Variants in LRBA observed in about 807,000 individuals in gnomAD.
The protein encoded by LRBA is lipopolysaccharide-responsive and beige-like anchor protein.
In LRBA, 176 loss-of-function variants were observed where a neutral mutation model predicts 330.0. The observed-to-expected ratio is 0.53, with a 90% confidence interval of 0.47 to 0.60. LRBA has a LOEUF of 0.60. Among genes scored for constraint, LRBA ranks in the 20% least tolerant of loss-of-function variants. The pLI is 0.00. For missense variants in LRBA, 3,259 were observed against 3,444.8 expected, an observed-to-expected ratio of 0.95 and a Z score of 1.35; for synonymous variants, 1,230 against 1,193.0, an observed-to-expected ratio of 1.03 and a Z score of -0.64.
intron 37 of LRBA, 25 bp downstream of exon 37, chr4:150,683,526 C>A (rs1340091105): frequency 6.2e-7 from 1 of 1,601,038 alleles, no homozygotes; most frequent in Admixed American, 1.7e-5. Flanking sequence ...AAATCAGTGG[C>A]CAAATCCTAA....
At chr4:150,405,245 C>G (rs907141422) in intron 47 of LRBA, among the ~76,000 whole-genome samples, 1 of 152,254 alleles carries the variant, frequency 6.6e-6, no homozygotes, top group South Asian at 2.1e-4. Context: ...TCAGAAACTT[C>G]AAGGCATCAT....
intron 47 of LRBA, among the ~76,000 whole-genome samples, chr4:150,372,011 C>A (rs1740395192): frequency 6.6e-6 from 1 of 152,108 alleles, no homozygotes; most frequent in Non-Finnish European, 1.5e-5. Context: ...CTCATTTTAG[C>A]CACTTTTAAG....
At chr4:150,625,526 T>G (rs1454733905) in intron 37 of LRBA, among the ~76,000 whole-genome samples, 2 of 152,024 alleles carry the variant, frequency 1.3e-5, no homozygotes, top group African/African-American at 2.4e-5. Context: ...CTTGAAAACC[T>G]GCTCCACTGT....
chr4:150,979,116 TAAGGA>T (rs974011771), intron 2 of LRBA, among the ~76,000 whole-genome samples: 3 of 151,940 alleles, frequency 2.0e-5, no homozygotes, highest in Non-Finnish European at 4.4e-5. Context: ...AGATCAATAA[TAAGGA>T]AAGGATCCTA....
chr4:150,922,209 T>G (rs1355588162), intron 4 of LRBA, among the ~76,000 whole-genome samples: 1 of 152,084 alleles, frequency 6.6e-6, no homozygotes, highest in Non-Finnish European at 1.5e-5. Context: ...CCACCCACCC[T>G]TCTTTAAAAT....
intron 2 of LRBA, among the ~76,000 whole-genome samples, chr4:150,932,700 G>A (rs1468542516): frequency 1.3e-5 from 2 of 152,032 alleles, no homozygotes; most frequent in Admixed American, 1.3e-4. Flanking sequence ...TGGATCCCTT[G>A]AGCGCAGGAG....
intron 2 of LRBA, among the ~76,000 whole-genome samples, chr4:150,969,271 T>C (rs1432472236): frequency 1.3e-5 from 2 of 152,226 alleles, no homozygotes; most frequent in Admixed American, 6.5e-5. Flanking sequence ...TGTAAGGCTA[T>C]CACTGCCATA....
Position 150,583,403 on chromosome 4 carries a change from C to A in LRBA, c.6330+4645G>T, listed in dbSNP as rs1220924769. Reference sequence around the variant, plus strand: ...ATCACGGCGTCGGGCTATCTCTCAGCGCGTAAGATCCGCTCGCGTTTCCAG... The same window carrying A: ...ATCACGGCGTCGGGCTATCTCTCAGAGCGTAAGATCCGCTCGCGTTTCCAG... On this transcript the variant is annotated intron_variant, in intron 40 of 56. Transcript: ENST00000651943. This position sits in a 1 kb window ranked among gnomAD's most constrained non-coding sequence, Gnocchi z 9.8. The A allele has an allele frequency of 6.2e-7, 1 of 1,613,976 alleles. No homozygotes were observed.
At chr4:150,422,848 C>G in intron 46 of LRBA, 1 of 1,368,950 alleles carries the variant, frequency 7.3e-7, no homozygotes, top group Non-Finnish European at 1.0e-6. Context: ...GTACTGAACT[C>G]CACCACGTGA....
At chr4:150,421,930 C>T (rs190268249) in intron 46 of LRBA, among the ~76,000 whole-genome samples, 130 of 152,210 alleles carry the variant, frequency 8.5e-4, no homozygotes, top group African/African-American at 3.1e-3. Flanking sequence ...AATGGAGGGC[C>T]TTAAAATCAA....
chr4:150,277,893 C>T lies in LRBA; in HGVS notation c.8428G>A (p.Asp2810Asn), dbSNP rs1381717221. Residue 2810 changes from aspartate to asparagine, a missense_variant, in exon 56 of 57, where the codon GAC becomes AAC. Transcript: ENST00000651943. ...AGCGCCATGGCCCGGATTCCAGCGTCACATCCTGGATAGGCAAAGAGCTGC... is the reference window on the plus strand; with the variant it reads ...AGCGCCATGGCCCGGATTCCAGCGTTACATCCTGGATAGGCAAAGAGCTGC... ...LKQLFAYPGC[D>N]AGIRAMALSY... is the part of the protein sequence containing the mutation. 5 of 1,614,002 alleles carry T rather than the reference C, an allele frequency of 3.1e-6. No homozygotes were observed. The highest frequency in any genetic ancestry group is 4.2e-6 in the Non-Finnish European group (5 of 1,180,034).
At chr4:150,676,910 A>C (rs534932449) in intron 37 of LRBA, among the ~76,000 whole-genome samples, 24 of 152,268 alleles carry the variant, frequency 1.6e-4, no homozygotes, top group Admixed American at 1.4e-3. Flanking sequence ...CAAAATTCCC[A>C]AGTCTGTATT....
intron 53 of LRBA, among the ~76,000 whole-genome samples, chr4:150,292,184 A>T (rs1164408862): frequency 6.6e-6 from 1 of 152,242 alleles, no homozygotes; most frequent in African/African-American, 2.4e-5. Context: ...AAGAGAAAAG[A>T]GGAATTTCTC....
intron 34 of LRBA, among the ~76,000 whole-genome samples, chr4:150,789,716 C>T (rs1278784576): frequency 6.6e-6 from 1 of 152,074 alleles, no homozygotes; most frequent in Non-Finnish European, 1.5e-5. Context: ...TAAACAAAGG[C>T]AATCTCAAAA....
chr4:150,507,148 C>T (rs960854286), intron 40 of LRBA, among the ~76,000 whole-genome samples: 1 of 151,440 alleles, frequency 6.6e-6, no homozygotes, highest in African/African-American at 2.4e-5. Flanking sequence ...AATGGCCATA[C>T]TGCCCAAGGT....
At chr4:150,288,516 G>A (rs921261411) in intron 53 of LRBA, among the ~76,000 whole-genome samples, 11 of 152,194 alleles carry the variant, frequency 7.2e-5, no homozygotes, top group African/African-American at 2.6e-4. Flanking sequence ...TTGAACCTGG[G>A]AGGTGGAGGT....
chr4:150,940,971 G>C (rs1185570249), intron 2 of LRBA, among the ~76,000 whole-genome samples: 1 of 151,562 alleles, frequency 6.6e-6, no homozygotes, highest in East Asian at 1.9e-4. Context: ...ATCTAATCTT[G>C]CTTTCAGTGT....
chr4:150,727,711 AAAGC>A (rs1357886280), intron 36 of LRBA, among the ~76,000 whole-genome samples: 3 of 152,150 alleles, frequency 2.0e-5, no homozygotes, highest in Non-Finnish European at 2.9e-5. Flanking sequence ...GGATACAGCA[AAAGC>A]ACTATTAAGA....
intron 36 of LRBA, among the ~76,000 whole-genome samples, chr4:150,732,869 C>T (rs1490709822): frequency 6.6e-6 from 1 of 152,000 alleles, no homozygotes; most frequent in Non-Finnish European, 1.5e-5. Context: ...ATCATGTCAT[C>T]TTCCTCCCTA....
Sources: allele counts gnomAD v4.1 joint callset (sites outside exome capture counted in the v4.1 genomes callset), GRCh38; gene constraint gnomAD v4.1.1; non-coding constraint Gnocchi (gnomAD v3.1); transcripts MANE v1.5; gene names NCBI Gene and HGNC (gene_info 2026-07-23, HGNC 2026-07-21).